The following LEPR variants were observed in gnomAD, a reference collection of about 807,000 sequenced individuals.
The protein encoded by LEPR is OB receptor.
LEPR carries 56 observed loss-of-function variants against 114.7 expected under a neutral mutation model. The observed-to-expected ratio is 0.49, with a 90% CI of 0.39 to 0.61. The LOEUF (loss-of-function observed/expected upper bound fraction) is 0.61. Ranked by LOEUF, LEPR falls within the 20% of genes least tolerant of loss-of-function variation. The probability of loss-of-function intolerance (pLI) is 0.00; values close to 1 mark genes in which losing one functional copy is unlikely to be tolerated. For synonymous variants in LEPR, 443 were observed against 461.4 expected, an observed-to-expected ratio of 0.96 and a Z score of 0.51; for missense variants, 1,202 against 1,352.9, an observed-to-expected ratio of 0.89 and a Z score of 1.75.
At chr1:65,437,027 C>T (rs964489095) in intron 2 of LEPR, among the ~76,000 whole-genome samples, 6 of 152,168 alleles carry the variant, frequency 3.9e-5, no homozygotes, top group Non-Finnish European at 7.3e-5. Flanking sequence ...CTGACAAACC[C>T]AGAATTCTCC....
intron 5 of LEPR, among the ~76,000 whole-genome samples, chr1:65,582,738 C>G (rs925613206): frequency 3.3e-5 from 5 of 152,174 alleles, no homozygotes; most frequent in African/African-American, 9.7e-5. Flanking sequence ...AGTCCCATCT[C>G]TTATTGTCAA....
chr1:65,580,181 G>C (rs10789185), intron 5 of LEPR, among the ~76,000 whole-genome samples: 78,478 of 151,888 alleles, frequency 0.52, 20,962 homozygotes, highest in East Asian at 0.89. Flanking sequence ...GCCTTTAATT[G>C]TATTTTTGTT....
intron 2 of LEPR, among the ~76,000 whole-genome samples, chr1:65,496,590 A>G (rs1026265737): frequency 1.3e-5 from 2 of 152,164 alleles, no homozygotes; most frequent in Non-Finnish European, 2.9e-5. Context: ...AACAAAAACA[A>G]AAAACACTTT....
chr1:65,448,450 C>T (rs182492218), intron 2 of LEPR, among the ~76,000 whole-genome samples: 10 of 152,114 alleles, frequency 6.6e-5, no homozygotes, highest in Admixed American at 2.0e-4. Context: ...ATTTTGCATC[C>T]GTGTTCATGA....
At chr1:65,462,932 C>T (rs191170475) in intron 2 of LEPR, among the ~76,000 whole-genome samples, 1 of 152,146 alleles carries the variant, frequency 6.6e-6, no homozygotes, top group South Asian at 2.1e-4. Flanking sequence ...AGATTTTCTC[C>T]CATTCTATAT....
intron 2 of LEPR, among the ~76,000 whole-genome samples, chr1:65,462,844 T>C (rs1646962854): frequency 6.6e-6 from 1 of 152,074 alleles, no homozygotes; most frequent in Non-Finnish European, 1.5e-5. Context: ...TTTGATGGGG[T>C]TGTTTGTTTT....
chr1:65,464,406 G>A (rs1646984010), intron 2 of LEPR, among the ~76,000 whole-genome samples: 1 of 152,174 alleles, frequency 6.6e-6, no homozygotes, highest in Admixed American at 6.5e-5. Context: ...GCTTTTTGAT[G>A]TGCTGCTGGA....
At chr1:65,426,029 AAAC>A (rs1646355788) in intron 2 of LEPR, among the ~76,000 whole-genome samples, 1 of 151,916 alleles carries the variant, frequency 6.6e-6, no homozygotes, top group African/African-American at 2.4e-5. Flanking sequence ...GACGGACAGT[AAAC>A]AACAAAAGTA....
intron 6 of LEPR, among the ~76,000 whole-genome samples, chr1:65,593,170 G>T (rs202117376): frequency 9.8e-6 from 1 of 101,928 alleles, no homozygotes; most frequent in African/African-American, 3.8e-5. Context: ...TTTGAAAATA[G>T]TAGCATGTTT....
intron 2 of LEPR, among the ~76,000 whole-genome samples, chr1:65,481,808 T>C (rs1292852012): frequency 6.7e-6 from 1 of 149,462 alleles, no homozygotes; most frequent in East Asian, 1.9e-4. Flanking sequence ...TTTCAGGTAA[T>C]TTGCTAATGT....
rs1280263906 is a variant in LEPR, at chr1:65,641,251, C to T, written c.*4236C>T. 6.6e-6 allele frequency: 1 copy of T among 152,116 alleles called. No homozygotes were observed. Among genetic ancestry groups the T allele is most frequent in the Non-Finnish European group, 1.5e-5 (1 of 68,028 alleles). 9.4% of individuals were successfully genotyped at this position (152,116 alleles called of 1,614,324 possible). On this transcript the variant is annotated 3_prime_UTR_variant, in exon 20 of 20. Coordinates refer to ENST00000349533, the MANE Select transcript of LEPR (RefSeq NM_002303.6). ...TTACTAAAAAAACCTGGAACTGAGA[C>T]TGAATTTGGAAGACATTTAATTTTG...
chr1:65,579,837 G>A (rs1466834091), intron 5 of LEPR, among the ~76,000 whole-genome samples: 1 of 152,066 alleles, frequency 6.6e-6, no homozygotes, highest in Admixed American at 6.6e-5. Context: ...TAATTTCAGA[G>A]CATTATAAAT....
At chr1:65,548,784 A>T (rs28852095) in intron 2 of LEPR, among the ~76,000 whole-genome samples, 2 of 151,948 alleles carry the variant, frequency 1.3e-5, no homozygotes, top group Admixed American at 6.6e-5. Flanking sequence ...TGTGTCTTTT[A>T]ATTGGAGCAT....
chr1:65,525,724 G>T, intron 2 of LEPR: 1 of 985,776 alleles, frequency 1.0e-6, no homozygotes, highest in South Asian at 4.7e-5. Context: ...CCCCATCGCA[G>T]AGCCCACGGC....
intron 5 of LEPR, among the ~76,000 whole-genome samples, chr1:65,583,947 A>AT (rs977450198): frequency 9.2e-5 from 14 of 152,144 alleles, no homozygotes; most frequent in Admixed American, 2.0e-4. Flanking sequence ...TGCAAAATGC[A>AT]TTTTTTGTAA....
chr1:65,493,097 C>A (rs995918268), intron 2 of LEPR, among the ~76,000 whole-genome samples: 9 of 151,956 alleles, frequency 5.9e-5, no homozygotes, highest in African/African-American at 2.2e-4. Flanking sequence ...TAGTGTCTAG[C>A]CATCCCTACT....
chr1:65,585,786 T>A (rs1655274631), intron 5 of LEPR, among the ~76,000 whole-genome samples: 2 of 152,008 alleles, frequency 1.3e-5, no homozygotes, highest in African/African-American at 4.8e-5. Flanking sequence ...AATTTGATGA[T>A]CCTTTTATTC....
intron 2 of LEPR, among the ~76,000 whole-genome samples, chr1:65,536,251 C>A (rs907059611): frequency 6.6e-6 from 1 of 152,028 alleles, no homozygotes; most frequent in Non-Finnish European, 1.5e-5. Flanking sequence ...GCTTGTCCCT[C>A]CTCTCTCTTG....
chr1:65,614,955 C>T (rs1657435267), intron 14 of LEPR, among the ~76,000 whole-genome samples: 1 of 151,714 alleles, frequency 6.6e-6, no homozygotes, highest in Non-Finnish European at 1.5e-5. Context: ...TCTTGTAGTA[C>T]CAGAAAGTAA....
Sources: allele counts gnomAD v4.1 joint callset (sites outside exome capture counted in the v4.1 genomes callset), GRCh38; gene constraint gnomAD v4.1.1; transcripts MANE v1.5; gene names NCBI Gene and HGNC (gene_info 2026-07-23, HGNC 2026-07-21).